PHF20: variants seen among roughly 807,000 people sequenced by gnomAD.
PHF20 encodes PHD finger protein 20.
PHF20 carries 23 observed loss-of-function variants against 113.5 expected under a neutral mutation model. That is an observed-to-expected ratio of 0.20 (90% CI 0.15 to 0.29). The LOEUF (loss-of-function observed/expected upper bound fraction) is 0.29. PHF20 is among the 10% of genes least tolerant of loss of function. The probability of loss-of-function intolerance (pLI) is 1.00; values close to 1 mark genes in which losing one functional copy is unlikely to be tolerated. For synonymous variants in PHF20, 434 were observed against 457.3 expected (o/e 0.95, Z 0.65); for missense variants, 943 against 1,219.6 (o/e 0.77, Z 3.38).
intron 2 of PHF20, among the ~76,000 whole-genome samples, chr20:35,811,489 C>A (rs1253296662): frequency 1.3e-5 from 2 of 150,620 alleles, no homozygotes; most frequent in African/African-American, 4.9e-5. Flanking sequence ...GTTGCCTAGG[C>A]TGGAGTGCAA....
At chr20:35,825,313 G>A (rs1002760695) in intron 2 of PHF20, among the ~76,000 whole-genome samples, 3 of 151,950 alleles carry the variant, frequency 2.0e-5, no homozygotes, top group Admixed American at 6.6e-5. Flanking sequence ...GCATACCACC[G>A]TGCCCAGCTA....
At chr20:35,918,944 T>G (rs1248693264) in intron 13 of PHF20, among the ~76,000 whole-genome samples, 1 of 152,196 alleles carries the variant, frequency 6.6e-6, no homozygotes, top group African/African-American at 2.4e-5. Context: ...CCAGCCCCTT[T>G]GGCTTGCTTT....
In PHF20 at chr20:35,792,809, A is replaced by G. The variant is rs965571647; in HGVS notation, c.-32-8682A>G. ...TCACCAGTACCATTTAGAGTTTGCT[A>G]TGCTAAGCACTTGACATCCATTAGC... On this transcript the variant is annotated intron_variant, in intron 1 of 17. Coordinates refer to ENST00000374012, the MANE Select transcript of PHF20 (RefSeq NM_016436.5). Among the ~76,000 whole-genome samples, 9 of 152,234 alleles carry G rather than the reference A, an allele frequency of 5.9e-5. 1 individual carries two copies. The South Asian group carries it at 6.2e-4, about 11-fold the overall frequency.
intron 1 of PHF20, among the ~76,000 whole-genome samples, chr20:35,793,074 G>T (rs2041590218): frequency 6.6e-6 from 1 of 152,128 alleles, no homozygotes; most frequent in Middle Eastern, 3.2e-3. Context: ...GGAGACCCAG[G>T]TATCACTGGA....
At chr20:35,880,062 C>G (rs1403292283) in intron 9 of PHF20, among the ~76,000 whole-genome samples, 2 of 152,148 alleles carry the variant, frequency 1.3e-5, no homozygotes, top group Non-Finnish European at 2.9e-5. Flanking sequence ...ACTTACTGAG[C>G]CTTTACCATA....
In PHF20 at chr20:35,850,872, C is replaced by T. The variant is rs937348870; in HGVS notation, c.340+3438C>T. 44 of 1,105,228 alleles carry T rather than the reference C, an allele frequency of 4.0e-5. No individual in the cohort carries two copies. In the Admixed American group the frequency reaches 7.2e-4, roughly 18 times the overall value. The allele number at this position is 1,105,228 out of a possible 1,614,324, so 68.5% of individuals were successfully genotyped here. A position where few individuals can be genotyped will look rare whatever the true frequency, so the allele number is the denominator to read the frequency against. On this transcript the variant is annotated intron_variant, in intron 4 of 17. Coordinates refer to ENST00000374012, the MANE Select transcript of PHF20 (RefSeq NM_016436.5). Reference sequence around the variant, plus strand: ...CCTTGCCATTGTTTGCTGAATGCTTCGAACTTGGAGATGACTGAGTTTGTT... The same window carrying T: ...CCTTGCCATTGTTTGCTGAATGCTTTGAACTTGGAGATGACTGAGTTTGTT...
intron 2 of PHF20, among the ~76,000 whole-genome samples, chr20:35,823,680 A>G (rs2042214718): frequency 1.3e-5 from 2 of 151,388 alleles, no homozygotes; most frequent in Admixed American, 1.3e-4. Flanking sequence ...AAAAAAAGAT[A>G]TAAAGCACTT....
chr20:35,853,932 T>G (rs981135314), intron 4 of PHF20, among the ~76,000 whole-genome samples: 1 of 151,950 alleles, frequency 6.6e-6, no homozygotes, highest in African/African-American at 2.4e-5. Context: ...TTTTTGTATT[T>G]TTGTAGAGAT....
chr20:35,914,253 C>T, intron 12 of PHF20, 56 bp downstream of exon 12: 1 of 1,542,362 alleles, frequency 6.5e-7, no homozygotes, highest in Admixed American at 1.7e-5. Context: ...AAAATACAAG[C>T]ATACCTGGGA....
chr20:35,849,027 T>C (rs1258171069), intron 4 of PHF20, among the ~76,000 whole-genome samples: 1 of 152,174 alleles, frequency 6.6e-6, no homozygotes, highest in African/African-American at 2.4e-5. Context: ...TTGAAGGACA[T>C]GAAAATGAAT....
intron 15 of PHF20, among the ~76,000 whole-genome samples, chr20:35,936,764 A>G (rs1293185858): frequency 6.6e-6 from 1 of 152,206 alleles, no homozygotes; most frequent in Non-Finnish European, 1.5e-5. Context: ...GTTTATTAAT[A>G]AGTTAAGGTT....
chr20:35,830,554 G>A (rs537327585), intron 2 of PHF20, among the ~76,000 whole-genome samples: 3 of 152,266 alleles, frequency 2.0e-5, no homozygotes, highest in Non-Finnish European at 4.4e-5. Context: ...ACTGTTGTGA[G>A]TAATGCTGTG....
intron 17 of PHF20, among the ~76,000 whole-genome samples, chr20:35,944,089 AC>A (rs2056041474): frequency 6.6e-6 from 1 of 152,148 alleles, no homozygotes; most frequent in Non-Finnish European, 1.5e-5. Flanking sequence ...TTCCTCTGTA[AC>A]CTTCTGTCTT....
At chr20:35,899,253 G>T in intron 9 of PHF20, 117 bp from the exon 10 acceptor site, 1 of 776,788 alleles carries the variant, frequency 1.3e-6, no homozygotes. Context: ...GCAGTCTGAT[G>T]TCTCAGGCTA....
intron 2 of PHF20, among the ~76,000 whole-genome samples, chr20:35,815,513 G>A (rs1327015921): frequency 1.3e-5 from 2 of 151,908 alleles, no homozygotes; most frequent in Non-Finnish European, 2.9e-5. Flanking sequence ...CTCCCAGGCT[G>A]GAGTGTAGCG....
chr20:35,881,709 C>CT lies in PHF20; in HGVS notation c.1282+9887dup, dbSNP rs1158880225. ...AGTCATCTTGTTTTTATTCTATATGCTTTTTTTGGGCAATTGAAAAAATAT... is the reference window on the plus strand; with the variant it reads ...AGTCATCTTGTTTTTATTCTATATGCTTTTTTTTGGGCAATTGAAAAAATAT... On this transcript the variant is annotated intron_variant, in intron 9 of 17. Transcript: ENST00000374012. 2.0e-5 allele frequency among the ~76,000 whole-genome samples: 3 copies of CT among 152,140 alleles called. 1 individual carries two copies. Among genetic ancestry groups the CT allele is most frequent in the Admixed American group, 2.0e-4 (3 of 15,264 alleles).
intron 9 of PHF20, among the ~76,000 whole-genome samples, chr20:35,896,393 C>T (rs1469104273): frequency 1.3e-5 from 2 of 151,948 alleles, no homozygotes; most frequent in Non-Finnish European, 1.5e-5. Flanking sequence ...AAAAAAAGAT[C>T]CATTTAATAT....
chr20:35,902,026 G>A (rs895870433), intron 10 of PHF20, among the ~76,000 whole-genome samples: 107 of 152,110 alleles, frequency 7.0e-4, no homozygotes, highest in African/African-American at 2.4e-3. Flanking sequence ...TTCAAGGCCT[G>A]GTGTGGGGAA....
intron 2 of PHF20, among the ~76,000 whole-genome samples, chr20:35,840,651 C>CCAGCAGCAG (rs747108234): frequency 6.6e-6 from 1 of 151,680 alleles, no homozygotes; most frequent in Non-Finnish European, 1.5e-5. Flanking sequence ...TTATTGCAGA[C>CCAGCAGCAG]CAGCAGCAGC....
Sources: allele counts gnomAD v4.1 joint callset (sites outside exome capture counted in the v4.1 genomes callset), GRCh38; gene constraint gnomAD v4.1.1; transcripts MANE v1.5; gene names NCBI Gene and HGNC (gene_info 2026-07-23, HGNC 2026-07-21).